Variants in ALG8 observed in about 807,000 individuals in gnomAD.
The protein encoded by ALG8 is dolichyl pyrophosphate Glc1Man9GlcNAc2 alpha-1,3-glucosyltransferase.
In ALG8, 48 loss-of-function variants were observed where a neutral mutation model predicts 70.2. The ratio of observed to expected loss-of-function variants is 0.68; its 90% CI spans 0.54 to 0.87. The LOEUF is 0.87. ALG8 is among the 40% of genes least tolerant of loss of function. The pLI is 0.00. For missense variants in ALG8, 572 were observed against 608.7 expected, an observed-to-expected ratio of 0.94 and a Z score of 0.64; for synonymous variants, 234 against 229.0, an observed-to-expected ratio of 1.02 and a Z score of -0.20.
rs769636151 is a variant in ALG8 at position 78,121,018 on chromosome 11, A to T, written c.478+47T>A. 7 of 1,424,436 alleles carry T rather than the reference A, an allele frequency of 4.9e-6. No homozygotes were observed. The East Asian group carries it at 1.4e-4, about 28-fold the overall frequency. The allele number at this position is 1,424,436 out of a possible 1,614,324, so 88.2% of individuals were successfully genotyped here. A position where few individuals can be genotyped will look rare whatever the true frequency, so the allele number is the denominator to read the frequency against. On this transcript the variant is annotated intron_variant, in intron 4 of 12. Transcript: ENST00000299626. ...TAGAAAACATTAATCTTGTATTAGT[A>T]TACATCAGAATTAGTAAGGGAATAG...
intron 1 of ALG8, among the ~76,000 whole-genome samples, chr11:78,138,040 AG>A (rs2136955594): frequency 6.6e-6 from 1 of 152,262 alleles, no homozygotes; most frequent in Non-Finnish European, 1.5e-5. Flanking sequence ...CTGGACCAAG[AG>A]CAGTATTCAA....
intron 12 of ALG8, among the ~76,000 whole-genome samples, chr11:78,101,797 G>A (rs1235472084): frequency 6.6e-6 from 1 of 152,084 alleles, no homozygotes; most frequent in Non-Finnish European, 1.5e-5. Context: ...TGGGTGCTGT[G>A]ACATTGGAAT....
chr11:78,122,637 T>C (rs553113100), intron 3 of ALG8, among the ~76,000 whole-genome samples: 5 of 152,162 alleles, frequency 3.3e-5, no homozygotes, highest in Non-Finnish European at 7.3e-5. Context: ...ACACTATGCC[T>C]GGCCTTTCAA....
chr11:78,139,435 C>T, intron 1 of ALG8, 59 bp downstream of exon 1: 1 of 1,519,660 alleles, frequency 6.6e-7, no homozygotes, highest in East Asian at 2.5e-5. Context: ...ACCTTTCTCT[C>T]CCGCCCTGAC....
At chr11:78,127,675 G>C (rs1394712395) in intron 1 of ALG8, among the ~76,000 whole-genome samples, 1 of 151,676 alleles carries the variant, frequency 6.6e-6, no homozygotes, top group Non-Finnish European at 1.5e-5. Flanking sequence ...ACTACCTAAA[G>C]GGCTGACAAG....
chr11:78,106,717 G>A, intron 10 of ALG8, 90 bp downstream of exon 10: 4 of 1,558,596 alleles, frequency 2.6e-6, no homozygotes, highest in Non-Finnish European at 3.5e-6. Context: ...TGCCTATCCT[G>A]GTGAACATGA....
chr11:78,133,632 TG>T (rs1458395822), intron 1 of ALG8: 1 of 152,174 alleles, frequency 6.6e-6, no homozygotes, highest in Non-Finnish European at 1.5e-5. Flanking sequence ...CCGGCCGCGG[TG>T]GCTCACGCCT....
At chr11:78,137,895 T>C (rs1024729524) in intron 1 of ALG8, among the ~76,000 whole-genome samples, 2 of 152,282 alleles carry the variant, frequency 1.3e-5, no homozygotes, top group East Asian at 1.9e-4. Context: ...AGTTGCTCAA[T>C]GGAGAGTTAC....
chr11:78,115,878 T>C (rs1032173539), intron 5 of ALG8, among the ~76,000 whole-genome samples: 26 of 152,082 alleles, frequency 1.7e-4, no homozygotes, highest in Admixed American at 1.0e-3. Flanking sequence ...ATAGCTGGAG[T>C]TGATTTCCAA....
chr11:78,114,204 C>T (rs1860452288), intron 6 of ALG8, 62 bp downstream of exon 6: 1 of 1,606,268 alleles, frequency 6.2e-7, no homozygotes, highest in Admixed American at 1.7e-5. Context: ...TCAAGCAAGC[C>T]ACCAAGTCAA....
In ALG8 at chr11:78,114,317, C is replaced by T. The variant is rs968885498; in HGVS notation, c.622G>A (p.Ala208Thr). 2.5e-6 allele frequency: 4 copies of T among 1,613,988 alleles called. No homozygotes were observed. In the African/African-American group the frequency reaches 5.3e-5, roughly 22 times the overall value. Residue 208 changes from alanine to threonine, a missense_variant, in exon 6 of 13, where the codon GCT (alanine) becomes ACT (threonine). Physicochemically the swap from Ala to Thr is moderately conservative, Grantham distance 58 (BLOSUM62 0). Coordinates refer to ENST00000299626, the MANE Select transcript of ALG8 (RefSeq NM_024079.5). ...GATCGCAGCAGATATACACCATAAGCTGGTGCTACATAGAGGTAGATATGC... is the reference window on the plus strand; with the variant it reads ...GATCGCAGCAGATATACACCATAAGTTGGTGCTACATAGAGGTAGATATGC... Reference protein sequence around the residue: ...FKHIYLYVAPAYGVYLLRSYC... With the variant: ...FKHIYLYVAPTYGVYLLRSYC...
chr11:78,137,261 A>T (rs557027), intron 1 of ALG8: 32,923 of 152,202 alleles, frequency 0.22, 4,398 homozygotes, highest in African/African-American at 0.37. Context: ...GCTTCAAAGA[A>T]TTGAAGACTT....
At chr11:78,134,164 T>C (rs1410991542) in intron 1 of ALG8, among the ~76,000 whole-genome samples, 5 of 146,304 alleles carry the variant, frequency 3.4e-5, no homozygotes, top group Non-Finnish European at 7.5e-5. Flanking sequence ...TGAGATGGAG[T>C]CTCACTCTTG....
chr11:78,118,086 GA>G (rs1245825427), intron 5 of ALG8, among the ~76,000 whole-genome samples: 45 of 140,522 alleles, frequency 3.2e-4, no homozygotes, highest in African/African-American at 1.0e-3. Context: ...AAAAAAAAAA[GA>G]AAAAAAAATA....
intron 10 of ALG8, among the ~76,000 whole-genome samples, chr11:78,104,753 C>T (rs1859942330): frequency 6.6e-6 from 1 of 152,134 alleles, no homozygotes; most frequent in African/African-American, 2.4e-5. Context: ...CACCTGAGGT[C>T]AGGAATTCAA....
intron 2 of ALG8, 101 bp from the exon 3 acceptor site, chr11:78,124,315 C>A (rs1860967481): frequency 8.0e-7 from 1 of 1,252,330 alleles, no homozygotes; most frequent in Non-Finnish European, 1.2e-6. Context: ...TAAAACAGCA[C>A]AATAAGGCTG....
At chr11:78,137,715 G>A (rs1285267640) in intron 1 of ALG8, 1 of 152,168 alleles carries the variant, frequency 6.6e-6, no homozygotes, top group Non-Finnish European at 1.5e-5. Context: ...CATTTATTAA[G>A]TTCACCATAG....
At chr11:78,129,249 T>C (rs964405503) in intron 1 of ALG8, among the ~76,000 whole-genome samples, 1 of 151,638 alleles carries the variant, frequency 6.6e-6, no homozygotes, top group Non-Finnish European at 1.5e-5. Context: ...TGAAACCCCA[T>C]CTCTAGTAAA....
intron 1 of ALG8, among the ~76,000 whole-genome samples, chr11:78,134,603 G>C (rs1486010283): frequency 6.6e-6 from 1 of 152,166 alleles, no homozygotes; most frequent in Non-Finnish European, 1.5e-5. Context: ...CCCTGCCACT[G>C]ATTATTAACT....
Sources: allele counts gnomAD v4.1 joint callset (sites outside exome capture counted in the v4.1 genomes callset), GRCh38; gene constraint gnomAD v4.1.1; transcripts MANE v1.5; gene names NCBI Gene and HGNC (gene_info 2026-07-23, HGNC 2026-07-21).